Variants in PTPRQ observed in about 807,000 individuals in gnomAD.
The protein encoded by PTPRQ is protein tyrosine phosphatase receptor type Q.
PTPRQ carries 199 observed loss-of-function variants against 246.0 expected under a neutral mutation model. That is an observed-to-expected ratio of 0.81 (90% CI 0.72 to 0.91). PTPRQ has a LOEUF of 0.91. Among genes scored for constraint, PTPRQ ranks in the 40% least tolerant of loss-of-function variants. The probability of loss-of-function intolerance (pLI) is 0.00; values close to 1 mark genes in which losing one functional copy is unlikely to be tolerated. For synonymous variants in PTPRQ, 869 were observed against 853.2 expected, an observed-to-expected ratio of 1.02 and a Z score of -0.32; for missense variants, 2,624 against 2,528.4, an observed-to-expected ratio of 1.04 and a Z score of -0.81.
At chr12:80,457,925 T>C (rs370275742) in intron 4 of PTPRQ, among the ~76,000 whole-genome samples, 4 of 152,120 alleles carry the variant, frequency 2.6e-5, no homozygotes, top group Non-Finnish European at 5.9e-5. Flanking sequence ...AATGCTTTTA[T>C]CATTTTGGTG....
Position 80,592,992 on chromosome 12 carries a change from C to A in PTPRQ, c.4609+4540C>A, listed in dbSNP as rs569398089. On this transcript the variant is annotated intron_variant, in intron 26 of 44. Coordinates refer to ENST00000644991, the MANE Select transcript of PTPRQ (RefSeq NM_001145026.2). ...TGCCACTGCACTCTAGCCTGGGTTA[C>A]AAAGCCAGACTCCATCTCAAAAATA... is the stretch of plus-strand genomic sequence containing the variant. 9.9e-4 allele frequency among the ~76,000 whole-genome samples: 150 copies of A among 152,210 alleles called. 2 individuals are homozygous for A. The highest frequency in any genetic ancestry group is 3.4e-3 in the African/African-American group (143 of 41,532).
At chr12:80,677,090 T>C (rs1175779242) in intron 43 of PTPRQ, among the ~76,000 whole-genome samples, 1 of 152,200 alleles carries the variant, frequency 6.6e-6, no homozygotes, top group Non-Finnish European at 1.5e-5. Flanking sequence ...CCTGCTCTGC[T>C]GGCAAAGTTT....
intron 27 of PTPRQ, among the ~76,000 whole-genome samples, chr12:80,608,009 A>G (rs1311190722): frequency 2.0e-5 from 3 of 150,870 alleles, no homozygotes; most frequent in African/African-American, 7.3e-5. Flanking sequence ...AATATAAGGT[A>G]ACAAAATAAT....
intron 3 of PTPRQ, among the ~76,000 whole-genome samples, chr12:80,446,991 G>A (rs7311270): frequency 0.39 from 58,961 of 151,732 alleles, 13,129 homozygotes; most frequent in African/African-American, 0.61. Flanking sequence ...AGAAATCTCC[G>A]TACTGTTTCT....
chr12:80,577,892 G>C (rs1897317020), intron 25 of PTPRQ, among the ~76,000 whole-genome samples: 2 of 152,058 alleles, frequency 1.3e-5, no homozygotes, highest in South Asian at 4.1e-4. Flanking sequence ...TTCATAACTT[G>C]ATAAATACTC....
At chr12:80,654,085 T>C (rs190958045) in intron 38 of PTPRQ, among the ~76,000 whole-genome samples, 1 of 152,022 alleles carries the variant, frequency 6.6e-6, no homozygotes, top group East Asian at 1.9e-4. Flanking sequence ...TCTCTTCCTT[T>C]CTTTTCTTTT....
At chr12:80,670,219 A>T in intron 41 of PTPRQ, 125 bp from the exon 42 acceptor site, 1 of 1,364,004 alleles carries the variant, frequency 7.3e-7, no homozygotes, top group South Asian at 1.5e-5. Context: ...TAATGAAAAC[A>T]TTTTATTTGG....
Position 80,673,232 on chromosome 12 carries a change from C to T in PTPRQ, c.6666C>T (p.Asp2222=), listed in dbSNP as rs1901030049. The part of the protein sequence containing the change: ...ALDHLTQHIN[D]HDFVDIYGLV... ...ACCATTTAACACAACATATAAATGA[C>T]CATGATTTTGTGGATATATATGGAC... Residue 2222 remains aspartate, a synonymous_variant, in exon 43 of 45, where the codon GAC becomes GAT. Coordinates refer to ENST00000644991, the MANE Select transcript of PTPRQ (RefSeq NM_001145026.2). 6.4e-7 allele frequency: 1 copy of T among 1,550,678 alleles called. No individual in the cohort carries two copies. Among genetic ancestry groups the T allele is most frequent in the African/African-American group, 1.4e-5 (1 of 72,936 alleles).
At chr12:80,676,632 ACT>A (rs1901153368) in intron 43 of PTPRQ, among the ~76,000 whole-genome samples, 1 of 152,066 alleles carries the variant, frequency 6.6e-6, no homozygotes, top group African/African-American at 2.4e-5. Flanking sequence ...ACAGAGCGAG[ACT>A]CTGTTGCAAA....
chr12:80,665,353 G>A (rs2121270437), intron 39 of PTPRQ, among the ~76,000 whole-genome samples: 1 of 152,088 alleles, frequency 6.6e-6, no homozygotes, highest in South Asian at 2.1e-4. Context: ...CCATCGCAGT[G>A]ATGTCATCCA....
intron 33 of PTPRQ, among the ~76,000 whole-genome samples, chr12:80,631,714 G>C (rs528471486): frequency 6.6e-6 from 1 of 152,180 alleles, no homozygotes. Flanking sequence ...CTATGAAAGA[G>C]AGTCAAAGAT....
chr12:80,621,043 A>T (rs1653383395), intron 32 of PTPRQ, among the ~76,000 whole-genome samples: 1 of 151,904 alleles, frequency 6.6e-6, no homozygotes, highest in South Asian at 2.1e-4. Flanking sequence ...GTGATTTTCA[A>T]AATATAATTT....
chr12:80,537,799 A>C (rs7310301), intron 19 of PTPRQ, among the ~76,000 whole-genome samples: 3,206 of 152,180 alleles, frequency 0.021, 108 homozygotes, highest in African/African-American at 0.07. Context: ...GCCTGGCATA[A>C]TGTCTTCTAT....
chr12:80,459,558 A>G (rs761011191), intron 5 of PTPRQ, 75 bp downstream of exon 5: 16 of 397,360 alleles, frequency 4.0e-5, no homozygotes, highest in Non-Finnish European at 6.7e-5. Context: ...TAGCATCTAG[A>G]TACTATATTT....
intron 19 of PTPRQ, among the ~76,000 whole-genome samples, chr12:80,537,418 G>C (rs1440410776): frequency 1.3e-5 from 2 of 152,046 alleles, no homozygotes; most frequent in Non-Finnish European, 2.9e-5. Context: ...GATAACTGTT[G>C]CTTCTCTTAG....
intron 17 of PTPRQ, among the ~76,000 whole-genome samples, chr12:80,513,930 C>G (rs777825051): frequency 3.9e-5 from 6 of 152,156 alleles, no homozygotes; most frequent in Non-Finnish European, 7.3e-5. Context: ...CTTCCACACC[C>G]TGCTGTAGCT....
intron 17 of PTPRQ, among the ~76,000 whole-genome samples, chr12:80,528,673 A>G (rs1278203009): frequency 2.0e-5 from 3 of 152,180 alleles, no homozygotes; most frequent in Non-Finnish European, 4.4e-5. Context: ...TGAGGTGACT[A>G]TCTCAAAAAT....
chr12:80,534,546 A>C (rs1895933627), intron 18 of PTPRQ, among the ~76,000 whole-genome samples: 1 of 152,066 alleles, frequency 6.6e-6, no homozygotes, highest in South Asian at 2.1e-4. Flanking sequence ...TTTATTATTC[A>C]ATATAAAAAT....
chr12:80,616,283 C>A lies in PTPRQ; in HGVS notation c.5230+17C>A, dbSNP rs1191636953. On this transcript the variant is annotated intron_variant, in intron 30 of 44. Coordinates refer to ENST00000644991, the MANE Select transcript of PTPRQ (RefSeq NM_001145026.2). ...ATATCAAAGGTACATACATGAGCTA[C>A]CTTCCTATGAAATGCTATTAATCAG... is the stretch of plus-strand genomic sequence containing the variant. 3 of 1,458,256 alleles carry A rather than the reference C, an allele frequency of 2.1e-6. No homozygotes were observed. The highest frequency in any genetic ancestry group is 2.7e-6 in the Non-Finnish European group (3 of 1,103,194). The allele number at this position is 1,458,256 out of a possible 1,614,324, so 90.3% of individuals were successfully genotyped here.
Sources: allele counts gnomAD v4.1 joint callset (sites outside exome capture counted in the v4.1 genomes callset), GRCh38; gene constraint gnomAD v4.1.1; transcripts MANE v1.5; gene names NCBI Gene and HGNC (gene_info 2026-07-23, HGNC 2026-07-21).